The following TENM1 variants were observed in gnomAD, a reference collection of about 807,000 sequenced individuals.
The protein encoded by TENM1 is teneurin-1.
In TENM1, 35 loss-of-function variants were observed where a neutral mutation model predicts 174.8. The ratio of observed to expected loss-of-function variants is 0.20; its 90% CI spans 0.15 to 0.27. TENM1 has a LOEUF of 0.27. TENM1 is among the 10% of genes least tolerant of loss of function. The pLI, the probability that TENM1 is intolerant of heterozygous loss-of-function variation, is 1.00. For missense variants in TENM1, 1,633 were observed against 2,130.1 expected, an observed-to-expected ratio of 0.77 and a Z score of 4.59; for synonymous variants, 781 against 798.7, an observed-to-expected ratio of 0.98 and a Z score of 0.37.
chrX:124,546,885 T>C lies in TENM1; in HGVS notation c.2640A>G (p.Ser880=), dbSNP rs760723722. 17 of 1,204,123 alleles carry C rather than the reference T, an allele frequency of 1.4e-5. No homozygotes were observed. In the South Asian group the frequency reaches 2.5e-4, roughly 17 times the overall value. ...AAATACATATGTACCTGCTGTCAAATGACACCTCAGGAGGAATGACATGAG... is the reference window on the plus strand; with the variant it reads ...AAATACATATGTACCTGCTGTCAAACGACACCTCAGGAGGAATGACATGAG... The change falls in exon 15 of 32, where the codon TCA becomes TCG. Residue 880 remains serine, a synonymous_variant. Coordinates refer to ENST00000422452, the Ensembl canonical transcript of TENM1.
At chrX:124,829,857 C>G (rs373646959) in intron 3 of TENM1, among the ~76,000 whole-genome samples, 11 of 112,280 alleles carry the variant, frequency 9.8e-5, no homozygotes, top group African/African-American at 3.2e-4. Context: ...CAAACCCTAT[C>G]TACGTCTACC....
In TENM1 at chrX:124,598,205, G is replaced by A. The variant is rs771671013; in HGVS notation, c.2078-32645C>T. On this transcript the variant is annotated intron_variant, in intron 11 of 31. Transcript: ENST00000422452. ...GAAATCATCTAACCCCAGTTAAAATGGCATACATCCAAAGACAGTTATTAC... is the reference window on the plus strand; with the variant it reads ...GAAATCATCTAACCCCAGTTAAAATAGCATACATCCAAAGACAGTTATTAC... Among the ~76,000 whole-genome samples, 7 of 4,706 alleles carry A rather than the reference G, an allele frequency of 1.5e-3. No individual in the cohort carries two copies. In the East Asian group the frequency reaches 0.044, roughly 30 times the overall value. The allele number at this position is 4,706 out of a possible 115,157, so 4.1% of individuals were successfully genotyped here. A position where few individuals can be genotyped will look rare whatever the true frequency, so the allele number is the denominator to read the frequency against.
At chrX:124,836,419 C>T (rs1161892963) in intron 3 of TENM1, among the ~76,000 whole-genome samples, 1 of 111,900 alleles carries the variant, frequency 8.9e-6, no homozygotes, top group Non-Finnish European at 1.9e-5. Context: ...CTTTACCAGT[C>T]TGACCACTAT....
chrX:125,114,075 T>C, the TENM1 span, among the ~76,000 whole-genome samples: 1 of 111,658 alleles, frequency 9.0e-6, no homozygotes, highest in Admixed American at 9.5e-5. Flanking sequence ...CAGACCACAG[T>C]GCAATCAAAT....
the TENM1 span, among the ~76,000 whole-genome samples, chrX:125,002,061 G>C: frequency 1.8e-5 from 2 of 110,910 alleles, no homozygotes; most frequent in Admixed American, 1.9e-4. Flanking sequence ...CACAAATAGG[G>C]AGTATAAATG....
chrX:124,758,875 A>G (rs1239540334), intron 3 of TENM1, among the ~76,000 whole-genome samples: 1 of 111,706 alleles, frequency 9.0e-6, no homozygotes, highest in African/African-American at 3.3e-5. Flanking sequence ...CCAGGAGTTG[A>G]GAGGAGGGGG....
chrX:125,182,991 G>A, the TENM1 span, among the ~76,000 whole-genome samples: 2 of 111,849 alleles, frequency 1.8e-5, no homozygotes, highest in Non-Finnish European at 3.8e-5. Context: ...TCAGTGGAAT[G>A]CAGAGCAAAA....
chrX:124,722,835 G>A lies in TENM1; in HGVS notation c.776+14122C>T, dbSNP rs1279317276. Among the ~76,000 whole-genome samples, 228 of 71,059 alleles carry A rather than the reference G, an allele frequency of 3.2e-3. 1 individual carries two copies. Among genetic ancestry groups the A allele is most frequent in the African/African-American group, 0.014 (218 of 16,089 alleles). The allele number at this position is 71,059 out of a possible 115,157, so 61.7% of individuals were successfully genotyped here. A position where few individuals can be genotyped will look rare whatever the true frequency, so the allele number is the denominator to read the frequency against. On this transcript the variant is annotated intron_variant, in intron 4 of 31. Transcript: ENST00000422452. ...AGCCTGGGCGACAGAGAGAGACTCC[G>A]TCTCAAAAAAAAAAAAAAAAAAAAA... is the stretch of plus-strand genomic sequence containing the variant.
the TENM1 span, among the ~76,000 whole-genome samples, chrX:125,075,797 C>T: frequency 0.021 from 2,373 of 111,201 alleles, 49 homozygotes; most frequent in African/African-American, 0.072. Context: ...TAATGGCTTA[C>T]AGTATTTCCA....
the TENM1 span, among the ~76,000 whole-genome samples, chrX:125,203,038 C>T: frequency 2.7e-5 from 3 of 112,090 alleles, no homozygotes; most frequent in African/African-American, 9.8e-5. Flanking sequence ...AAAGTCAACA[C>T]CGACGGCTCC....
intron 28 of TENM1, among the ~76,000 whole-genome samples, chrX:124,389,851 G>A (rs1376457652): frequency 2.7e-5 from 3 of 111,964 alleles, no homozygotes; most frequent in Non-Finnish European, 5.6e-5. Context: ...GTAAAGAATC[G>A]TTCCATAATT....
At chrX:124,676,551 A>G (rs2052091451) in intron 5 of TENM1, among the ~76,000 whole-genome samples, 1 of 106,244 alleles carries the variant, frequency 9.4e-6, no homozygotes, top group Non-Finnish European at 1.9e-5. Flanking sequence ...ATCCAATTGC[A>G]AAGAGCTGTG....
chrX:124,999,421 A>G, the TENM1 span, among the ~76,000 whole-genome samples: 4 of 111,038 alleles, frequency 3.6e-5, no homozygotes, highest in African/African-American at 1.3e-4. Flanking sequence ...GAACAAGTTA[A>G]ATTTCCGTGA....
At chrX:125,172,416 C>T in the TENM1 span, among the ~76,000 whole-genome samples, 1 of 111,173 alleles carries the variant, frequency 9.0e-6, no homozygotes, top group Non-Finnish European at 1.9e-5. Context: ...TGCATTGTTC[C>T]TATCACCTCA....
At chrX:124,913,293 A>C (rs1190826872) in intron 1 of TENM1, among the ~76,000 whole-genome samples, 1 of 111,697 alleles carries the variant, frequency 9.0e-6, no homozygotes, top group African/African-American at 3.3e-5. Flanking sequence ...TAGTTCTCCT[A>C]GTAAGGTGAC....
At chrX:124,984,649 C>A in the TENM1 span, among the ~76,000 whole-genome samples, 1 of 111,504 alleles carries the variant, frequency 9.0e-6, no homozygotes, top group East Asian at 2.8e-4. Context: ...TATGGAATGG[C>A]TTCTGTGGAT....
chrX:124,638,110 T>A (rs2050923709), intron 11 of TENM1, among the ~76,000 whole-genome samples: 1 of 111,171 alleles, frequency 9.0e-6, no homozygotes, highest in Non-Finnish European at 1.9e-5. Context: ...TTTGTTTTGG[T>A]GGGTAAGGGT....
At chrX:124,955,797 G>GCACA (rs376755403) in intron 1 of TENM1, among the ~76,000 whole-genome samples, 470 of 91,221 alleles carry the variant, frequency 5.2e-3, no homozygotes, top group Middle Eastern at 0.016. Flanking sequence ...ACACGCGCAC[G>GCACA]CACACACACA....
At chrX:124,875,871 C>A in intron 3 of TENM1, among the ~76,000 whole-genome samples, 1 of 57,228 alleles carries the variant, frequency 1.7e-5, no homozygotes, top group African/African-American at 1.3e-4. Flanking sequence ...GTGAGACTGT[C>A]TCAAAAAAAA....
Sources: gnomAD v4.1 joint callset for allele counts (sites outside exome capture counted in the v4.1 genomes callset) on GRCh38, gnomAD v4.1.1 for gene constraint, MANE v1.5 for transcripts, NCBI Gene and HGNC (gene_info 2026-07-23, HGNC 2026-07-21) for gene names.